The following USP34 variants were observed in gnomAD, a reference collection of about 807,000 sequenced individuals.
The protein encoded by USP34 is ubiquitin specific peptidase 34, also known as ubiquitin carboxyl-terminal hydrolase 34.
In USP34, 70 loss-of-function variants were observed where a neutral mutation model predicts 460.3. The ratio of observed to expected loss-of-function variants is 0.15; its 90% CI spans 0.13 to 0.19. The LOEUF (loss-of-function observed/expected upper bound fraction) is 0.19. USP34 is among the 10% of genes least tolerant of loss of function. The pLI, the probability that USP34 is intolerant of heterozygous loss-of-function variation, is 1.00. For missense variants in USP34, 3,985 were observed against 4,236.2 expected (o/e 0.94, Z 1.65); for synonymous variants, 1,647 against 1,405.3 (o/e 1.17, Z -3.85).
chr2:61,464,994 T>C (rs548394219), intron 1 of USP34, among the ~76,000 whole-genome samples: 9 of 152,170 alleles, frequency 5.9e-5, no homozygotes, highest in Non-Finnish European at 1.0e-4. Flanking sequence ...AAACAGAATG[T>C]AATCCCACAA....
At chr2:61,345,535 GATAA>G (rs1295775381) in intron 15 of USP34, among the ~76,000 whole-genome samples, 2 of 152,178 alleles carry the variant, frequency 1.3e-5, no homozygotes, top group African/African-American at 4.8e-5. Flanking sequence ...TAACGACAAT[GATAA>G]ATATACAGCT....
rs577314106 is a variant in USP34, at chr2:61,193,365, T to TAAAAAAAAAAAAA, written c.9509-398_9509-386dup. ...ACTGCAGGAGGGAGGAGGGGAAAGG[T>TAAAAAAAAAAAAA]AAAAAAAAAAAAAAAAAAAAAAAAG... On this transcript the variant is annotated intron_variant, in intron 75 of 79. Transcript: ENST00000398571. The TAAAAAAAAAAAAA allele has an allele frequency of 7.2e-3, 700 of 97,132 alleles. 28 individuals are homozygous for TAAAAAAAAAAAAA. Among genetic ancestry groups the TAAAAAAAAAAAAA allele is most frequent in the African/African-American group, 0.025 (672 of 26,590 alleles). The allele number at this position is 97,132 out of a possible 1,614,324, so 6.0% of individuals were successfully genotyped here.
rs540193000 is a variant in USP34, at chr2:61,402,885, C to A, written c.552+2823G>T. Among the ~76,000 whole-genome samples the A allele has an allele frequency of 6.9e-3, 1,051 of 152,146 alleles. 10 individuals are homozygous for A. Among genetic ancestry groups the A allele is most frequent in the Middle Eastern group, 0.054 (16 of 294 alleles). On this transcript the variant is annotated intron_variant, in intron 3 of 79. Coordinates refer to ENST00000398571, the MANE Select transcript of USP34 (RefSeq NM_014709.4). The stretch of plus-strand genomic sequence containing the variant: ...TTTATACATATATATAATTTTATAA[C>A]ATGTATGCTACCAAGTCTTTGATCT...
chr2:61,374,409 T>C (rs988810490), intron 8 of USP34, among the ~76,000 whole-genome samples: 2 of 152,164 alleles, frequency 1.3e-5, no homozygotes, highest in African/African-American at 2.4e-5. Context: ...ATTTGCTGCA[T>C]TTTATTTGTA....
chr2:61,285,043 G>C (rs1689646626), intron 34 of USP34, 86 bp from the exon 35 acceptor site: 2 of 1,022,608 alleles, frequency 2.0e-6, no homozygotes, highest in African/African-American at 3.2e-5. Flanking sequence ...TTACTAAAGA[G>C]ATGTGTATTA....
intron 6 of USP34, among the ~76,000 whole-genome samples, chr2:61,380,905 C>A (rs938314784): frequency 5.3e-5 from 8 of 152,186 alleles, no homozygotes; most frequent in Non-Finnish European, 1.2e-4. Context: ...CCGCTCACCC[C>A]ACAAGACCAA....
At chr2:61,227,875 T>G (rs1205173595) in intron 61 of USP34, among the ~76,000 whole-genome samples, 1 of 149,950 alleles carries the variant, frequency 6.7e-6, no homozygotes, top group African/African-American at 2.4e-5. Context: ...ATTTCCTATT[T>G]AATAAAAATG....
At chr2:61,202,554 T>A (rs954987042) in intron 75 of USP34, among the ~76,000 whole-genome samples, 2 of 152,228 alleles carry the variant, frequency 1.3e-5, no homozygotes, top group African/African-American at 4.8e-5. Flanking sequence ...GAGACAATAT[T>A]ACTAAAGATA....
chr2:61,221,888 ATACT>A (rs1324465441), intron 65 of USP34: 10 of 259,438 alleles, frequency 3.9e-5, no homozygotes, highest in East Asian at 8.2e-5. Context: ...AACACTGTAA[ATACT>A]TACGATGTAC....
chr2:61,381,905 T>C (rs924569067), intron 6 of USP34, among the ~76,000 whole-genome samples: 15 of 152,194 alleles, frequency 9.9e-5, no homozygotes, highest in African/African-American at 3.6e-4. Flanking sequence ...TCCCAGATTT[T>C]CACATCTCAG....
At chr2:61,268,156 T>C (rs1689108399) in intron 41 of USP34, among the ~76,000 whole-genome samples, 1 of 151,880 alleles carries the variant, frequency 6.6e-6, no homozygotes, top group Non-Finnish European at 1.5e-5. Context: ...TTAAAAATAG[T>C]TTTTGGTGAC....
At chr2:61,292,261 C>G (rs1689879828) in intron 33 of USP34, among the ~76,000 whole-genome samples, 1 of 151,758 alleles carries the variant, frequency 6.6e-6, no homozygotes, top group Non-Finnish European at 1.5e-5. Context: ...AAATAAGAAA[C>G]AAGAACAATC....
At chr2:61,200,994 A>T (rs1423124584) in intron 75 of USP34, among the ~76,000 whole-genome samples, 1 of 152,064 alleles carries the variant, frequency 6.6e-6, no homozygotes, top group Non-Finnish European at 1.5e-5. Flanking sequence ...TGTATTAACC[A>T]AGAAAAATTT....
chr2:61,393,410 AAC>A (rs1693413719), intron 5 of USP34, among the ~76,000 whole-genome samples: 2 of 149,100 alleles, frequency 1.3e-5, no homozygotes, highest in South Asian at 4.4e-4. Flanking sequence ...CAGCCTGGGC[AAC>A]AGAGCCAGAC....
At chr2:61,259,554 ATT>A (rs34649680) in intron 44 of USP34, among the ~76,000 whole-genome samples, 155 bp downstream of exon 44, 3 of 147,140 alleles carry the variant, frequency 2.0e-5, no homozygotes, top group African/African-American at 2.5e-5. Context: ...TGCCTGGCTT[ATT>A]TTTTTTTTTA....
At chr2:61,308,683 G>T (rs1309329066) in intron 27 of USP34, among the ~76,000 whole-genome samples, 1 of 152,054 alleles carries the variant, frequency 6.6e-6, no homozygotes, top group East Asian at 1.9e-4. Flanking sequence ...ATTGATAAAA[G>T]ACCTATACTC....
At chr2:61,293,119 C>T (rs747160531) in intron 33 of USP34, among the ~76,000 whole-genome samples, 21 of 151,502 alleles carry the variant, frequency 1.4e-4, no homozygotes, top group Non-Finnish European at 2.8e-4. Flanking sequence ...CAAAATAAAA[C>T]AAAAAAAGTT....
In USP34 at chr2:61,304,912, T is replaced by A. The variant is rs1161133605; in HGVS notation, c.3818-3458A>T. On this transcript the variant is annotated intron_variant, in intron 27 of 79. Transcript: ENST00000398571. ...AGTTCTAAATAGAATTTCTACCTTT[T>A]AAAAAAAATAGCATTTCAAGACAAA... Among the ~76,000 whole-genome samples the A allele has an allele frequency of 3.9e-5, 6 of 152,124 alleles. No homozygotes were observed. The East Asian group carries it at 1.2e-3, about 29-fold the overall frequency.
At chr2:61,361,210 A>G (rs1053869088) in intron 10 of USP34, among the ~76,000 whole-genome samples, 1 of 152,170 alleles carries the variant, frequency 6.6e-6, no homozygotes, top group African/African-American at 2.4e-5. Context: ...CAGGAGTTTG[A>G]GATCTGCCTG....
Sources: allele counts gnomAD v4.1 joint callset (sites outside exome capture counted in the v4.1 genomes callset), GRCh38; gene constraint gnomAD v4.1.1; transcripts MANE v1.5; gene names NCBI Gene and HGNC (gene_info 2026-07-23, HGNC 2026-07-21).